Variants in LRRC4C observed in about 807,000 individuals in gnomAD.
LRRC4C encodes the protein leucine rich repeat containing 4C.
In LRRC4C, 5 loss-of-function variants were observed where a neutral mutation model predicts 33.6. The observed-to-expected ratio is 0.15, with a 90% CI of 0.08 to 0.31. LRRC4C has a LOEUF of 0.31. Ranked by LOEUF, LRRC4C falls within the 10% of genes least tolerant of loss-of-function variation. LRRC4C has a pLI of 1.00. For synonymous variants in LRRC4C, 329 were observed against 302.0 expected (o/e 1.09, Z -0.93); for missense variants, 560 against 796.7 (o/e 0.70, Z 3.58).
intron 2 of LRRC4C, among the ~76,000 whole-genome samples, chr11:40,882,019 T>C (rs1297058453): frequency 6.6e-6 from 1 of 152,070 alleles, no homozygotes; most frequent in African/African-American, 2.4e-5. Flanking sequence ...ATAGTAAATA[T>C]TTTCATCTTT....
rs1042931747 is a variant in LRRC4C at position 40,759,122 on chromosome 11, A to G, written c.-406-110844T>C. On this transcript the variant is annotated intron_variant, in intron 2 of 6. Coordinates refer to ENST00000528697, the MANE Select transcript of LRRC4C (RefSeq NM_001258419.2). Reference sequence around the variant, plus strand: ...TAATATATATAAAAATATCTTCCTTATGTATGTAATATATATATCTTCCAT... The same window carrying G: ...TAATATATATAAAAATATCTTCCTTGTGTATGTAATATATATATCTTCCAT... Among the ~76,000 whole-genome samples the G allele has an allele frequency of 2.0e-5, 3 of 147,230 alleles. No homozygotes were observed. The Middle Eastern group carries it at 0.011, about 530-fold the overall frequency.
intron 4 of LRRC4C, among the ~76,000 whole-genome samples, chr11:40,314,981 G>A (rs10837381): frequency 6.6e-6 from 1 of 152,008 alleles, no homozygotes; most frequent in African/African-American, 2.4e-5. Context: ...TTCTTGTGCT[G>A]TATATCACTA....
At chr11:41,235,087 TAA>T (rs1947960400) in intron 1 of LRRC4C, among the ~76,000 whole-genome samples, 1 of 151,984 alleles carries the variant, frequency 6.6e-6, no homozygotes, top group Non-Finnish European at 1.5e-5. Flanking sequence ...GACTCCAAGG[TAA>T]AGTCTAAGAA....
intron 3 of LRRC4C, among the ~76,000 whole-genome samples, chr11:40,459,952 A>G (rs1263048341): frequency 1.3e-5 from 2 of 152,206 alleles, no homozygotes. Flanking sequence ...TTGGATATAG[A>G]CAAAAGCCTT....
At position 40,780,838 on chromosome 11, in the gene LRRC4C, A is replaced by G. The variant is rs190113564; in HGVS notation, c.-406-132560T>C. Among the ~76,000 whole-genome samples the G allele has an allele frequency of 1.3e-3, 191 of 152,066 alleles. 1 individual carries two copies. The highest frequency in any genetic ancestry group is 1.9e-4 in the Non-Finnish European group (13 of 67,976). ...GATAATGAACATGCAGATTGCCAGG[A>G]GAATCTTATGCAGGTGAAGAGGTCT... On this transcript the variant is annotated intron_variant, in intron 2 of 6. Transcript: ENST00000528697.
intron 1 of LRRC4C, among the ~76,000 whole-genome samples, chr11:41,095,343 G>A (rs867070767): frequency 2.6e-5 from 4 of 152,108 alleles, no homozygotes; most frequent in South Asian, 4.1e-4. Flanking sequence ...TCAAGACATC[G>A]GGATTACAAT....
At chr11:40,341,298 C>A (rs1437586089) in intron 3 of LRRC4C, among the ~76,000 whole-genome samples, 3 of 152,072 alleles carry the variant, frequency 2.0e-5, no homozygotes, top group Non-Finnish European at 4.4e-5. Flanking sequence ...GTATATGTGC[C>A]ACATTTTCTT....
intron 2 of LRRC4C, among the ~76,000 whole-genome samples, chr11:40,759,893 T>TA (rs913741021): frequency 2.8e-4 from 39 of 138,862 alleles, no homozygotes; most frequent in South Asian, 9.0e-4. Context: ...CACTGAGAGT[T>TA]AAAAAAAAAT....
chr11:40,711,295 G>A (rs907416568), intron 2 of LRRC4C, among the ~76,000 whole-genome samples: 1 of 152,158 alleles, frequency 6.6e-6, no homozygotes, highest in Non-Finnish European at 1.5e-5. Flanking sequence ...GGGAGCTGCA[G>A]ATGGGAGCTG....
At chr11:40,222,556 A>G (rs976899458) in intron 5 of LRRC4C, among the ~76,000 whole-genome samples, 2 of 152,212 alleles carry the variant, frequency 1.3e-5, no homozygotes, top group Non-Finnish European at 2.9e-5. Context: ...TTGATGTGCT[A>G]TAACACATTT....
intron 6 of LRRC4C, among the ~76,000 whole-genome samples, chr11:40,130,085 C>T (rs558495748): frequency 6.6e-6 from 1 of 152,178 alleles, no homozygotes; most frequent in African/African-American, 2.4e-5. Context: ...ACTTGTTTCT[C>T]AAATTATAGG....
Position 41,413,160 on chromosome 11 carries a change from G to A in LRRC4C, c.-496+46271C>T, listed in dbSNP as rs569915219. Among the ~76,000 whole-genome samples, 7 of 152,018 alleles carry A rather than the reference G, an allele frequency of 4.6e-5. No individual in the cohort carries two copies. In the South Asian group the frequency reaches 8.3e-4, roughly 18 times the overall value. On this transcript the variant is annotated intron_variant, in intron 1 of 6. Coordinates refer to ENST00000528697, the MANE Select transcript of LRRC4C (RefSeq NM_001258419.2). ...ATGGTTTGATTTACTAGAGAACCCC[G>A]AATTATGAAGTACAACTGTTCATAC...
At chr11:40,130,073 C>G (rs959184415) in intron 6 of LRRC4C, among the ~76,000 whole-genome samples, 1 of 151,960 alleles carries the variant, frequency 6.6e-6, no homozygotes, top group African/African-American at 2.4e-5. Context: ...TATAGATGAC[C>G]AACTTGTTTC....
chr11:40,907,319 T>C lies in LRRC4C; in HGVS notation c.-407+26316A>G, dbSNP rs181297164. Among the ~76,000 whole-genome samples the C allele has an allele frequency of 1.5e-3, 227 of 152,332 alleles. 2 individuals carry two copies. Among genetic ancestry groups the C allele is most frequent in the African/African-American group, 4.3e-3 (177 of 41,576 alleles). ...TTCAGATGGAGTCTCTCGCTAAACA[T>C]GCTTCAGTGAGGAAAGTTACTAAGA... On this transcript the variant is annotated intron_variant, in intron 2 of 6. Transcript: ENST00000528697.
At chr11:40,395,357 T>G (rs1388701585) in intron 3 of LRRC4C, among the ~76,000 whole-genome samples, 1 of 152,176 alleles carries the variant, frequency 6.6e-6, no homozygotes, top group Non-Finnish European at 1.5e-5. Context: ...TCATTTATTT[T>G]TCTGATGTCT....
chr11:41,244,188 T>TCTATCTATCTATCTATCTATCTATCTAC (rs1384959472), intron 1 of LRRC4C, among the ~76,000 whole-genome samples: 2,017 of 150,610 alleles, frequency 0.013, 50 homozygotes, highest in African/African-American at 0.047. Context: ...TATCTATCTA[T>TCTATCTATCTATCTATCTATCTATCTAC]CTATCGATCG....
At chr11:41,050,638 C>T (rs190822222) in intron 1 of LRRC4C, among the ~76,000 whole-genome samples, 1 of 152,266 alleles carries the variant, frequency 6.6e-6, no homozygotes, top group African/African-American at 2.4e-5. Flanking sequence ...TTTTTTATGG[C>T]TGCATAGTAT....
At chr11:40,968,116 T>C (rs910399207) in intron 1 of LRRC4C, among the ~76,000 whole-genome samples, 1 of 151,992 alleles carries the variant, frequency 6.6e-6, no homozygotes, top group African/African-American at 2.4e-5. Context: ...CATAAGAAAG[T>C]GACATAGGCT....
In LRRC4C at chr11:40,841,650, A is replaced by G. The variant is rs76359270; in HGVS notation, c.-407+91985T>C. Reference sequence around the variant, plus strand: ...CTGTGATTATGGACTTCCAGCCTCCAGAAGTATGAGAAATAATGTTTATGT... The same window carrying G: ...CTGTGATTATGGACTTCCAGCCTCCGGAAGTATGAGAAATAATGTTTATGT... On this transcript the variant is annotated intron_variant, in intron 2 of 6. Coordinates refer to ENST00000528697, the MANE Select transcript of LRRC4C (RefSeq NM_001258419.2). Among the ~76,000 whole-genome samples, 140 of 152,364 alleles carry G rather than the reference A, an allele frequency of 9.2e-4. 2 individuals are homozygous for G. The East Asian group carries it at 0.022, about 24-fold the overall frequency.
Sources: gnomAD v4.1 joint callset for allele counts (sites outside exome capture counted in the v4.1 genomes callset) on GRCh38, gnomAD v4.1.1 for gene constraint, MANE v1.5 for transcripts, NCBI Gene and HGNC (gene_info 2026-07-23, HGNC 2026-07-21) for gene names.